The following RARB variants were observed in gnomAD, a reference collection of about 807,000 sequenced individuals.
The protein encoded by RARB is retinoic acid receptor beta, also known as HBV-activated protein.
Under a neutral mutation model 51.9 loss-of-function variants are expected in RARB, and 17 were observed. The observed-to-expected ratio is 0.33, with a 90% confidence interval of 0.22 to 0.49. RARB has a LOEUF of 0.49. Ranked by LOEUF, RARB falls within the 20% of genes least tolerant of loss-of-function variation. The pLI is 0.99. For synonymous variants in RARB, 215 were observed against 195.4 expected (o/e 1.10, Z -0.84); for missense variants, 369 against 550.8 (o/e 0.67, Z 3.30).
chr3:24,925,083 T>A (rs1187265497), intron 2 of RARB, among the ~76,000 whole-genome samples: 2 of 152,094 alleles, frequency 1.3e-5, no homozygotes, highest in Non-Finnish European at 2.9e-5. Flanking sequence ...GGCATTCTCA[T>A]TTTTCTTTTC....
In RARB at chr3:25,158,597, A is replaced by G. The variant is rs182573672; in HGVS notation, c.-279-15522A>G. On this transcript the variant is annotated intron_variant, in intron 4 of 11. Transcript: ENST00000383772. ...AAAGAATAATTTCAGAAGAAAGTCT[A>G]GTCAATAGGGGCAGAGAAGATTTGG... 8.5e-5 allele frequency among the ~76,000 whole-genome samples: 13 copies of G among 152,360 alleles called. No homozygotes were observed. In the East Asian group the frequency reaches 2.3e-3, roughly 27 times the overall value.
intron 3 of RARB, among the ~76,000 whole-genome samples, chr3:25,104,947 A>G (rs1364568874): frequency 6.6e-6 from 1 of 152,170 alleles, no homozygotes; most frequent in Non-Finnish European, 1.5e-5. Context: ...TTTCTTCGTC[A>G]TGTTCTATTT....
At chr3:25,145,427 A>G (rs2125338775) in intron 4 of RARB, among the ~76,000 whole-genome samples, 1 of 152,326 alleles carries the variant, frequency 6.6e-6, no homozygotes, top group East Asian at 1.9e-4. Context: ...TCATAATGCC[A>G]CATGTCTGGG....
chr3:25,559,642 A>G (rs1320307703), intron 3 of RARB, among the ~76,000 whole-genome samples: 1 of 152,256 alleles, frequency 6.6e-6, no homozygotes, highest in Non-Finnish European at 1.5e-5. Flanking sequence ...AGAAATAAAT[A>G]GATGGATATA....
chr3:24,921,734 A>G (rs1362065708), intron 2 of RARB, among the ~76,000 whole-genome samples: 1 of 152,154 alleles, frequency 6.6e-6, no homozygotes, highest in African/African-American at 2.4e-5. Flanking sequence ...CTCTACCCAG[A>G]CTAAATTTGT....
intron 2 of RARB, among the ~76,000 whole-genome samples, chr3:24,912,972 A>ATTTTTTTTTTTTTTTTT (rs71622787): frequency 1.7e-4 from 10 of 57,626 alleles, no homozygotes; most frequent in Admixed American, 2.6e-4. Flanking sequence ...CAAGGTACTG[A>ATTTTTTTTTTTTTTTTT]TTCTTTTTTT....
intron 3 of RARB, among the ~76,000 whole-genome samples, chr3:25,535,300 C>T (rs1187487914): frequency 5.9e-5 from 9 of 151,890 alleles, no homozygotes; most frequent in Admixed American, 5.9e-4. Flanking sequence ...GATGTCAGGG[C>T]AGTATTGTCT....
Position 24,972,505 on chromosome 3 carries a change from A to G in RARB, c.-379-87620A>G, listed in dbSNP as rs1405711267. 2.0e-5 allele frequency among the ~76,000 whole-genome samples: 3 copies of G among 151,956 alleles called. No homozygotes were observed. In the East Asian group the frequency reaches 5.8e-4, roughly 29 times the overall value. On this transcript the variant is annotated intron_variant, in intron 2 of 11. Transcript: ENST00000383772. ...ATTTTTTTTCTTTTGGATGTATACC[A>G]TCAGTGGAATTGCTAGTTCATGTGG...
intron 2 of RARB, among the ~76,000 whole-genome samples, chr3:24,989,785 T>C (rs1480000867): frequency 5.6e-5 from 1 of 17,838 alleles, no homozygotes; most frequent in African/African-American, 4.5e-4. Context: ...TTTTTTTTTT[T>C]TTTTTTTTTT....
intron 2 of RARB, among the ~76,000 whole-genome samples, chr3:24,927,287 G>C (rs1003388064): frequency 2.0e-5 from 3 of 152,058 alleles, no homozygotes; most frequent in Non-Finnish European, 4.4e-5. Context: ...CTTTATATAG[G>C]AATGGCTTAA....
chr3:25,145,605 A>G (rs967421149), intron 4 of RARB, among the ~76,000 whole-genome samples: 5 of 152,208 alleles, frequency 3.3e-5, no homozygotes, highest in Non-Finnish European at 7.3e-5. Flanking sequence ...CATTAGGCAC[A>G]AGGGAAAAGG....
chr3:24,993,292 G>A (rs556163973), intron 2 of RARB, among the ~76,000 whole-genome samples: 24 of 152,140 alleles, frequency 1.6e-4, no homozygotes, highest in African/African-American at 5.5e-4. Flanking sequence ...TTTTTATCAT[G>A]CCAGAAGCAT....
intron 5 of RARB, among the ~76,000 whole-genome samples, chr3:25,269,032 A>G (rs992033526): frequency 1.1e-4 from 17 of 152,196 alleles, no homozygotes; most frequent in Non-Finnish European, 1.5e-4. Flanking sequence ...ATTCTCTTCC[A>G]ATAGTATATA....
chr3:25,385,520 C>T (rs1397386135), intron 5 of RARB, among the ~76,000 whole-genome samples: 1 of 152,128 alleles, frequency 6.6e-6, no homozygotes, highest in Admixed American at 6.6e-5. Flanking sequence ...CGGAGGCCCC[C>T]AAATGAGCAT....
chr3:25,121,768 A>C (rs964388065), intron 3 of RARB, among the ~76,000 whole-genome samples: 1 of 152,232 alleles, frequency 6.6e-6, no homozygotes, highest in Non-Finnish European at 1.5e-5. Context: ...TTAAATTTCT[A>C]CACATTTATT....
intron 3 of RARB, among the ~76,000 whole-genome samples, chr3:25,514,499 C>T (rs371992337): frequency 1.1e-4 from 17 of 151,738 alleles, no homozygotes; most frequent in Middle Eastern, 3.4e-3. Flanking sequence ...CGTAAAATAC[C>T]TCCATGATTA....
intron 2 of RARB, among the ~76,000 whole-genome samples, chr3:24,985,710 T>C (rs897481680): frequency 6.6e-6 from 1 of 152,220 alleles, no homozygotes; most frequent in African/African-American, 2.4e-5. Context: ...TCATTTTTTT[T>C]CCATTTTATG....
At chr3:25,175,170 A>C (rs980762297) in intron 5 of RARB, among the ~76,000 whole-genome samples, 1 of 152,236 alleles carries the variant, frequency 6.6e-6, no homozygotes, top group African/African-American at 2.4e-5. Context: ...AAATAAAAAT[A>C]GTCAAAGTTA....
chr3:25,577,245 C>A (rs911118393), intron 4 of RARB, among the ~76,000 whole-genome samples: 8 of 152,188 alleles, frequency 5.3e-5, no homozygotes, highest in Admixed American at 5.2e-4. Flanking sequence ...CTTCTGTGGG[C>A]CTTCGCTTCC....
Sources: allele counts gnomAD v4.1 joint callset (sites outside exome capture counted in the v4.1 genomes callset), GRCh38; gene constraint gnomAD v4.1.1; transcripts MANE v1.5; gene names NCBI Gene and HGNC (gene_info 2026-07-23, HGNC 2026-07-21).